Variants in HP1BP3 observed in about 807,000 individuals in gnomAD.
HP1BP3 encodes the protein heterochromatin protein 1 binding protein 3.
Under a neutral mutation model 62.5 loss-of-function variants are expected in HP1BP3, and 12 were observed. The observed-to-expected ratio is 0.19, with a 90% confidence interval of 0.12 to 0.31. HP1BP3 has a LOEUF of 0.31. HP1BP3 is among the 10% of genes least tolerant of loss of function. The probability of loss-of-function intolerance (pLI) is 1.00; values close to 1 mark genes in which losing one functional copy is unlikely to be tolerated. For synonymous variants in HP1BP3, 260 were observed against 237.8 expected, an observed-to-expected ratio of 1.09 and a Z score of -0.86; for missense variants, 502 against 651.8, an observed-to-expected ratio of 0.77 and a Z score of 2.50.
chr1:20,765,838 G>A (rs1389560601), intron 7 of HP1BP3, among the ~76,000 whole-genome samples: 1 of 151,842 alleles, frequency 6.6e-6, no homozygotes, highest in Non-Finnish European at 1.5e-5. Context: ...AGACGTCGTA[G>A]CCTGTAATCC....
chr1:20,756,480 G>A (rs1370910040), intron 9 of HP1BP3, among the ~76,000 whole-genome samples: 2 of 151,986 alleles, frequency 1.3e-5, no homozygotes, highest in African/African-American at 4.8e-5. Flanking sequence ...TGACGCTGGA[G>A]GACCCCTTGA....
chr1:20,780,886 T>C (rs1297200208), intron 1 of HP1BP3, among the ~76,000 whole-genome samples: 2 of 152,200 alleles, frequency 1.3e-5, no homozygotes, highest in Non-Finnish European at 2.9e-5. Context: ...AAGATCAGTT[T>C]ACCAAGAGAA....
intron 8 of HP1BP3, among the ~76,000 whole-genome samples, chr1:20,765,037 C>A (rs78979241): frequency 0.02 from 2,974 of 150,618 alleles, 27 homozygotes; most frequent in Non-Finnish European, 0.024. Context: ...GGTGTCGTGG[C>A]GGGTGCCTGT....
chr1:20,781,848 G>A (rs990117105), intron 1 of HP1BP3, among the ~76,000 whole-genome samples: 19 of 152,106 alleles, frequency 1.2e-4, no homozygotes, highest in African/African-American at 4.6e-4. Context: ...CTGGTCTCGA[G>A]CTCCTGATCT....
rs1395921452 is a variant in HP1BP3, at chr1:20,741,676, A to C, written c.*3121T>G. Among the ~76,000 whole-genome samples the C allele has an allele frequency of 2.0e-5, 3 of 152,250 alleles. No homozygotes were observed. On this transcript the variant is annotated 3_prime_UTR_variant, in exon 13 of 13. Coordinates refer to ENST00000438032, the MANE Select transcript of HP1BP3 (RefSeq NM_001372052.1). ...TTCCTTCCTCATTTTGTAGGTTAAG[A>C]AGCCAACAATCTCTCTCCCAGCACT...
Position 20,741,360 on chromosome 1 carries a change from GA to G in HP1BP3, c.*3436del, listed in dbSNP as rs912697441. Among the ~76,000 whole-genome samples the G allele has an allele frequency of 1.3e-5, 2 of 152,158 alleles. No homozygotes were observed. The highest frequency in any genetic ancestry group is 4.8e-5 in the African/African-American group (2 of 41,442). On this transcript the variant is annotated 3_prime_UTR_variant, in exon 13 of 13. Transcript: ENST00000438032. Reference sequence around the variant, plus strand: ...GCTCTTTAAAGTAAGTATTAATTAAGAATTGGTTAGCAAACCTTGACAAGGG... The same window carrying G: ...GCTCTTTAAAGTAAGTATTAATTAAGATTGGTTAGCAAACCTTGACAAGGG...
Position 20,744,501 on chromosome 1 carries a change from C to A in HP1BP3, c.*296G>T. On this transcript the variant is annotated 3_prime_UTR_variant, in exon 13 of 13. Coordinates refer to ENST00000438032, the MANE Select transcript of HP1BP3 (RefSeq NM_001372052.1). ...AAGAAAAAAAAAAGGCAAAGCTGAC[C>A]ATAAAAACAACAGGGGGTTGGGGGA... is the stretch of plus-strand genomic sequence containing the variant. 3 of 248,306 alleles carry A rather than the reference C, an allele frequency of 1.2e-5. No individual in the cohort carries two copies. Among genetic ancestry groups the A allele is most frequent in the Admixed American group, 5.2e-5 (1 of 19,316 alleles). 15.4% of individuals were successfully genotyped at this position (248,306 alleles called of 1,614,324 possible). A position where few individuals can be genotyped will look rare whatever the true frequency, so the allele number is the denominator to read the frequency against.
intron 9 of HP1BP3, among the ~76,000 whole-genome samples, chr1:20,751,907 T>C (rs779177390): frequency 2.6e-5 from 4 of 152,150 alleles, no homozygotes; most frequent in Non-Finnish European, 4.4e-5. Flanking sequence ...CTGGTTACAA[T>C]TGTCTGGGTT....
intron 7 of HP1BP3, among the ~76,000 whole-genome samples, chr1:20,766,815 C>T (rs2056808669): frequency 6.6e-6 from 1 of 152,066 alleles, no homozygotes; most frequent in African/African-American, 2.4e-5. Flanking sequence ...TGGCACATGC[C>T]TGTAGCAGTC....
rs2055195204 is a variant in HP1BP3 at position 20,744,649 on chromosome 1, A to C, written c.*148T>G. On this transcript the variant is annotated 3_prime_UTR_variant, in exon 13 of 13. Coordinates refer to ENST00000438032, the MANE Select transcript of HP1BP3 (RefSeq NM_001372052.1). ...AAGCACCTAAAGCTAGCAAATGCCT[A>C]AACTGGTTTATTTAGAGTCCCTCCC... is the stretch of plus-strand genomic sequence containing the variant. 1 of 725,156 alleles carries C rather than the reference A, an allele frequency of 1.4e-6. No homozygotes were observed. The highest frequency in any genetic ancestry group is 2.2e-6 in the Non-Finnish European group (1 of 451,724). 44.9% of individuals were successfully genotyped at this position (725,156 alleles called of 1,614,324 possible).
chr1:20,769,417 G>A (rs2056947726), intron 6 of HP1BP3, among the ~76,000 whole-genome samples: 1 of 152,062 alleles, frequency 6.6e-6, no homozygotes, highest in Non-Finnish European at 1.5e-5. Context: ...AATTAGCTGG[G>A]TGTGCTGGTG....
chr1:20,773,197 C>T (rs1570650336), intron 5 of HP1BP3, among the ~76,000 whole-genome samples: 1 of 152,008 alleles, frequency 6.6e-6, no homozygotes, highest in Middle Eastern at 3.4e-3. Flanking sequence ...TGTACTTAAT[C>T]GATAAACTGC....
intron 3 of HP1BP3, 85 bp from the exon 4 acceptor site, chr1:20,776,835 G>T: frequency 8.5e-7 from 1 of 1,182,968 alleles, no homozygotes; most frequent in South Asian, 2.0e-5. Flanking sequence ...TTATTAAACG[G>T]ACCAGCCAAA....
Position 20,779,328 on chromosome 1 carries a change from G to T in HP1BP3, c.196+484C>A, listed in dbSNP as rs1200230035. 4.6e-5 allele frequency among the ~76,000 whole-genome samples: 7 copies of T among 152,138 alleles called. No individual in the cohort carries two copies. In the East Asian group the frequency reaches 1.3e-3, roughly 29 times the overall value. ...TAGTACTCCATGTTGATGGGTCTAT[G>T]TTTCTTTCCATTTGTTATGCTCCCA... is the stretch of plus-strand genomic sequence containing the variant. On this transcript the variant is annotated intron_variant, in intron 3 of 12. Coordinates refer to ENST00000438032, the MANE Select transcript of HP1BP3 (RefSeq NM_001372052.1).
chr1:20,770,383 G>GT (rs1234459994), intron 6 of HP1BP3, among the ~76,000 whole-genome samples: 1 of 152,108 alleles, frequency 6.6e-6, no homozygotes, highest in Admixed American at 6.5e-5. Flanking sequence ...TGGTGAGATC[G>GT]TAACTCACAA....
intron 1 of HP1BP3, chr1:20,786,720 G>T (rs919813398): frequency 6.6e-6 from 1 of 152,368 alleles, no homozygotes; most frequent in Non-Finnish European, 1.5e-5. Flanking sequence ...GCCAGTCACC[G>T]CCGCCGGCAT....
At chr1:20,785,469 G>A (rs1332161963) in intron 1 of HP1BP3, among the ~76,000 whole-genome samples, 1 of 152,184 alleles carries the variant, frequency 6.6e-6, no homozygotes, top group Non-Finnish European at 1.5e-5. Context: ...CCAATCTTAA[G>A]TCATTCACTA....
intron 9 of HP1BP3, among the ~76,000 whole-genome samples, chr1:20,751,961 A>C (rs898992137): frequency 6.6e-6 from 1 of 152,126 alleles, no homozygotes; most frequent in African/African-American, 2.4e-5. Context: ...AACTATTTGC[A>C]TAATAAAACT....
intron 9 of HP1BP3, among the ~76,000 whole-genome samples, chr1:20,752,568 G>A (rs918684945): frequency 1.3e-5 from 2 of 152,108 alleles, no homozygotes; most frequent in Non-Finnish European, 2.9e-5. Flanking sequence ...AGGATTACAG[G>A]TGTGAGCCAC....
Sources: gnomAD v4.1 joint callset for allele counts (sites outside exome capture counted in the v4.1 genomes callset) on GRCh38, gnomAD v4.1.1 for gene constraint, MANE v1.5 for transcripts, NCBI Gene and HGNC (gene_info 2026-07-23, HGNC 2026-07-21) for gene names.